The following TIAM1 variants were observed in gnomAD, a reference collection of about 807,000 sequenced individuals.
TIAM1 encodes the protein rho guanine nucleotide exchange factor TIAM1.
Under a neutral mutation model 163.5 loss-of-function variants are expected in TIAM1, and 65 were observed. The observed-to-expected ratio is 0.40, with a 90% CI of 0.33 to 0.49. The LOEUF (loss-of-function observed/expected upper bound fraction) is 0.49, where lower values mean the gene tolerates loss of function less well. Ranked by LOEUF, TIAM1 falls within the 20% of genes least tolerant of loss-of-function variation. The pLI, the probability that TIAM1 is intolerant of heterozygous loss-of-function variation, is 0.77. For synonymous variants in TIAM1, 833 were observed against 810.1 expected, an observed-to-expected ratio of 1.03 and a Z score of -0.48; for missense variants, 1,789 against 2,044.7, an observed-to-expected ratio of 0.87 and a Z score of 2.41.
At chr21:31,281,186 A>C (rs1175258356) in intron 2 of TIAM1, among the ~76,000 whole-genome samples, 1 of 151,912 alleles carries the variant, frequency 6.6e-6, no homozygotes, top group African/African-American at 2.4e-5. Flanking sequence ...CAGTGTGTAG[A>C]GAAAAGGATA....
At chr21:31,228,242 A>ATCTG (rs1569068886) in intron 6 of TIAM1, among the ~76,000 whole-genome samples, 115 of 50,706 alleles carry the variant, frequency 2.3e-3, no homozygotes, top group African/African-American at 4.3e-3. Context: ...AAAAAAAAAA[A>ATCTG]AAAAAAAAAA....
At chr21:31,391,723 C>T (rs1279221822) in intron 2 of TIAM1, among the ~76,000 whole-genome samples, 4 of 152,184 alleles carry the variant, frequency 2.6e-5, no homozygotes, top group African/African-American at 9.7e-5. Context: ...TTTTACATAT[C>T]CAGACAAAGG....
intron 2 of TIAM1, among the ~76,000 whole-genome samples, chr21:31,293,981 TC>T (rs2074129693): frequency 6.6e-6 from 1 of 152,064 alleles, no homozygotes; most frequent in African/African-American, 2.4e-5. Flanking sequence ...ATTATGGAGG[TC>T]CTGGGTACAT....
intron 2 of TIAM1, among the ~76,000 whole-genome samples, chr21:31,369,238 A>AAAAAAAAAAAAAAAAAG (rs2076553806): frequency 6.7e-6 from 1 of 148,404 alleles, no homozygotes; most frequent in African/African-American, 2.6e-5. Context: ...AAAAAAAGAA[A>AAAAAAAAAAAAAAAAAG]GAAAGAAAGA....
intron 1 of TIAM1, among the ~76,000 whole-genome samples, chr21:31,498,807 G>A (rs1262691741): frequency 2.0e-5 from 3 of 152,048 alleles, no homozygotes; most frequent in East Asian, 1.9e-4. Context: ...TTAGCCAGGC[G>A]TGATGGCGGG....
chr21:31,358,327 C>A (rs1218270296), intron 2 of TIAM1, among the ~76,000 whole-genome samples: 4 of 152,160 alleles, frequency 2.6e-5, no homozygotes, highest in Non-Finnish European at 5.9e-5. Context: ...TTTTGCAGTT[C>A]ATCTAAATGC....
At chr21:31,499,862 G>T (rs1230511969) in intron 1 of TIAM1, among the ~76,000 whole-genome samples, 4 of 103,612 alleles carry the variant, frequency 3.9e-5, no homozygotes, top group African/African-American at 1.5e-4. Flanking sequence ...GAAATAAAAA[G>T]AAGAAGAAAA....
intron 2 of TIAM1, among the ~76,000 whole-genome samples, chr21:31,457,640 T>C (rs1321861499): frequency 6.6e-6 from 1 of 152,238 alleles, no homozygotes; most frequent in Admixed American, 6.5e-5. Context: ...TAACATGCTA[T>C]GTTTCAAAGC....
At chr21:31,481,113 C>T (rs1383201487) in intron 1 of TIAM1, among the ~76,000 whole-genome samples, 4 of 152,148 alleles carry the variant, frequency 2.6e-5, no homozygotes, top group Admixed American at 2.6e-4. Flanking sequence ...GAGGTGCTGT[C>T]TGCATTGGTT....
At chr21:31,242,066 C>T (rs1440017405) in intron 6 of TIAM1, among the ~76,000 whole-genome samples, 2 of 152,060 alleles carry the variant, frequency 1.3e-5, no homozygotes, top group African/African-American at 2.4e-5. Context: ...TCAATAGAAA[C>T]TGTCTCAGAA....
chr21:31,403,827 C>G (rs1311618613), intron 2 of TIAM1, among the ~76,000 whole-genome samples: 1 of 152,042 alleles, frequency 6.6e-6, no homozygotes, highest in Non-Finnish European at 1.5e-5. Context: ...TTAGACAGTC[C>G]CTGCCCTCAA....
At chr21:31,540,862 AAGAG>A (rs955988696) in intron 1 of TIAM1, among the ~76,000 whole-genome samples, 1 of 152,128 alleles carries the variant, frequency 6.6e-6, no homozygotes, top group Non-Finnish European at 1.5e-5. Context: ...GAAATGGAGA[AAGAG>A]AGAGAGCCGG....
rs1305989469 is a variant in TIAM1, at chr21:31,545,388, C to T, written c.-422+13539G>A. ...GCCTCCAGTTCTGTGAAAGAATAAA[C>T]TTCTGTTGTCTTAAGTCACCAGATT... is the stretch of plus-strand genomic sequence containing the variant. On this transcript the variant is annotated intron_variant, in intron 1 of 28. Coordinates refer to the TIAM1 transcript ENST00000286827. 2.6e-5 allele frequency among the ~76,000 whole-genome samples: 4 copies of T among 152,196 alleles called. No homozygotes were observed. The East Asian group carries it at 5.8e-4, about 22-fold the overall frequency.
intron 1 of TIAM1, among the ~76,000 whole-genome samples, chr21:31,544,248 T>C (rs968709204): frequency 2.0e-5 from 3 of 150,260 alleles, no homozygotes; most frequent in Non-Finnish European, 4.4e-5. Flanking sequence ...AGGCCACTTG[T>C]GGTGGCTCAC....
At chr21:31,492,811 ACACACACACACACG>A (rs1273985983) in intron 1 of TIAM1, among the ~76,000 whole-genome samples, 8 of 127,860 alleles carry the variant, frequency 6.3e-5, no homozygotes, top group African/African-American at 2.8e-4. Flanking sequence ...ACACACACAC[ACACACACACACACG>A]TTAAGTGAAA....
intron 2 of TIAM1, among the ~76,000 whole-genome samples, chr21:31,334,517 A>G (rs752752140): frequency 5.9e-5 from 9 of 152,124 alleles, no homozygotes; most frequent in Non-Finnish European, 1.2e-4. Context: ...AAAAAATCCC[A>G]CTGATAAGGG....
At chr21:31,138,516 C>T (rs536322178) in intron 22 of TIAM1, among the ~76,000 whole-genome samples, 24 of 152,312 alleles carry the variant, frequency 1.6e-4, no homozygotes, top group African/African-American at 5.8e-4. Flanking sequence ...TAAGAGGGAA[C>T]CACAAGGATC....
At chr21:31,530,893 A>C (rs1421380113) in intron 1 of TIAM1, among the ~76,000 whole-genome samples, 1 of 152,168 alleles carries the variant, frequency 6.6e-6, no homozygotes, top group African/African-American at 2.4e-5. Flanking sequence ...AGAGGTTAAA[A>C]AAAAATGATT....
intron 1 of TIAM1, among the ~76,000 whole-genome samples, chr21:31,546,395 CAAA>C (rs1224813982): frequency 2.6e-5 from 4 of 151,850 alleles, no homozygotes; most frequent in Non-Finnish European, 4.4e-5. Context: ...ACTAAAAATA[CAAA>C]AATGAGCCAG....
Sources: gnomAD v4.1 joint callset for allele counts (sites outside exome capture counted in the v4.1 genomes callset) on GRCh38, gnomAD v4.1.1 for gene constraint, MANE v1.5 for transcripts, NCBI Gene and HGNC (gene_info 2026-07-23, HGNC 2026-07-21) for gene names.